The following RSPH10B2 variants were observed in gnomAD, a reference collection of about 807,000 sequenced individuals.
RSPH10B2 encodes the protein radial spoke head 10 homolog B2.
A neutral mutation model predicts 49.0 loss-of-function variants in RSPH10B2; 9 were observed. The observed-to-expected ratio is 0.18, with a 90% CI of 0.11 to 0.32. RSPH10B2 has a LOEUF of 0.32. RSPH10B2 is among the 10% of genes least tolerant of loss of function. The pLI is 1.00. For synonymous variants in RSPH10B2, 35 were observed against 210.2 expected (o/e 0.17, Z 7.21); for missense variants, 95 against 589.9 (o/e 0.16, Z 8.69).
upstream of RSPH10B2, among the ~76,000 whole-genome samples, chr7:6,755,949 A>C (rs1448032475): frequency 1.4e-5 from 2 of 142,138 alleles, no homozygotes; most frequent in Non-Finnish European, 3.0e-5. Flanking sequence ...AAAAAAAAAA[A>C]AAAAAAACAA....
rs569523172 is a variant in RSPH10B2 at position 6,784,758 on chromosome 7, C to T, written c.1759-1191C>T. On this transcript the variant is annotated intron_variant, in intron 13 of 18. Coordinates refer to ENST00000297186, the Ensembl canonical transcript of RSPH10B2. ...TTTTTTTGTATTTTTAGTAGAGATG[C>T]GGTTTGTCCATGTTGGCCAGGATGG... Among the ~76,000 whole-genome samples, 33 of 126,482 alleles carry T rather than the reference C, an allele frequency of 2.6e-4. 4 individuals carry two copies. Among genetic ancestry groups the T allele is most frequent in the African/African-American group, 9.8e-4 (30 of 30,606 alleles). 83.0% of individuals were successfully genotyped at this position (126,482 alleles called of 152,430 possible).
upstream of RSPH10B2, among the ~76,000 whole-genome samples, chr7:6,755,953 A>AAC (rs1781046704): frequency 1.4e-5 from 2 of 141,690 alleles, no homozygotes; most frequent in African/African-American, 2.9e-5. Context: ...AAAAAAAAAA[A>AAC]AAACAAACCC....
chr7:6,781,321 T>C lies in RSPH10B2; in HGVS notation c.1610-7T>C. 7.8e-7 allele frequency: 1 copy of C among 1,279,188 alleles called. No individual in the cohort carries two copies. The highest frequency in any genetic ancestry group is 2.8e-5 in the Admixed American group (1 of 36,078). 79.2% of individuals were successfully genotyped at this position (1,279,188 alleles called of 1,614,324 possible). A position where few individuals can be genotyped will look rare whatever the true frequency, so the allele number is the denominator to read the frequency against. On this transcript the variant is annotated splice_polypyrimidine_tract_variant and splice_region_variant and intron_variant, in intron 12 of 18. Transcript: ENST00000297186. ...CTGTAATCATTTTTCGAACGTTGTA[T>C]TTTTAGGCAATTTATTCCGTGAGCA...
intron 6 of RSPH10B2, among the ~76,000 whole-genome samples, chr7:6,768,141 T>C (rs1034785371): frequency 3.0e-5 from 4 of 133,558 alleles, no homozygotes; most frequent in Non-Finnish European, 6.3e-5. Context: ...GCCAAGATTG[T>C]GCCATACTCT....
chr7:6,781,356 G>C (rs775070908), exon 13 of RSPH10B2: 1 of 1,261,406 alleles, frequency 7.9e-7, no homozygotes, highest in African/African-American at 1.8e-5. Flanking sequence ...AACAGCGGAC[G>C]CTCTACTCTA....
upstream of RSPH10B2, among the ~76,000 whole-genome samples, chr7:6,755,991 C>T (rs1156557642): frequency 6.8e-6 from 1 of 147,662 alleles, no homozygotes; most frequent in African/African-American, 2.6e-5. Context: ...GCCGGGCACC[C>T]ACACCCGGTG....
rs1454600128 is a variant in RSPH10B2 at position 6,768,656 on chromosome 7, G to GAAT, written c.849_851dup (p.Glu283_Tyr284insTer). 8 of 413,574 alleles carry GAAT rather than the reference G, an allele frequency of 1.9e-5. No individual in the cohort carries two copies. In the East Asian group the frequency reaches 3.1e-4, roughly 16 times the overall value. The allele number at this position is 413,574 out of a possible 1,614,324, so 25.6% of individuals were successfully genotyped here. On this transcript the variant is annotated stop_gained and inframe_insertion, in exon 7 of 19. Coordinates refer to ENST00000297186, the Ensembl canonical transcript of RSPH10B2. LOFTEE classifies it high-confidence loss of function. ...CAGTTCCCAGTATCCTTTGAGAAAT[G>GAAT]AATACATAGGGGAGTTTGTAAATGG... is the stretch of plus-strand genomic sequence containing the variant.
At chr7:6,774,657 C>CGG (rs1262601418) in intron 9 of RSPH10B2, among the ~76,000 whole-genome samples, 2 of 138,878 alleles carry the variant, frequency 1.4e-5, no homozygotes, top group African/African-American at 5.3e-5. Context: ...GGTTCTTCCT[C>CGG]AGTCTGTGAA....
In RSPH10B2 at chr7:6,783,835, A is replaced by T. The variant is rs568578421; in HGVS notation, c.1759-2114A>T. Among the ~76,000 whole-genome samples, 63 of 138,894 alleles carry T rather than the reference A, an allele frequency of 4.5e-4. 1 individual carries two copies. Among genetic ancestry groups the T allele is most frequent in the African/African-American group, 1.3e-3 (48 of 36,986 alleles). The allele number at this position is 138,894 out of a possible 152,430, so 91.1% of individuals were successfully genotyped here. A position where few individuals can be genotyped will look rare whatever the true frequency, so the allele number is the denominator to read the frequency against. Reference sequence around the variant, plus strand: ...TTGCCCATTGAATAATAATAATAATAATAATTATTATTATTATTATTTTGA... The same window carrying T: ...TTGCCCATTGAATAATAATAATAATTATAATTATTATTATTATTATTTTGA... On this transcript the variant is annotated intron_variant, in intron 13 of 18. Transcript: ENST00000297186.
upstream of RSPH10B2, among the ~76,000 whole-genome samples, chr7:6,756,011 T>C (rs568476829): frequency 8.8e-5 from 13 of 146,986 alleles, no homozygotes; most frequent in South Asian, 2.1e-3. Flanking sequence ...GACTCACGCC[T>C]GTAATCCCAG....
At chr7:6,777,973 AC>A (rs1781811015) in intron 10 of RSPH10B2, among the ~76,000 whole-genome samples, 2 of 152,278 alleles carry the variant, frequency 1.3e-5, no homozygotes, top group South Asian at 4.1e-4. Context: ...GCACGAGGTC[AC>A]CTACAAAAGC....
At chr7:6,756,082 C>T (rs538315857), upstream of RSPH10B2, among the ~76,000 whole-genome samples, 2 of 150,636 alleles carry the variant, frequency 1.3e-5, no homozygotes, top group African/African-American at 2.5e-5. Flanking sequence ...TCCTGGCTAA[C>T]CCGGTGAAAC....
intron 16 of RSPH10B2, among the ~76,000 whole-genome samples, chr7:6,791,681 C>T (rs1453751564): frequency 7.1e-6 from 1 of 141,348 alleles, no homozygotes; most frequent in East Asian, 2.9e-4. Flanking sequence ...GAGGCGGAGG[C>T]TGCAGTGAGC....
intron 13 of RSPH10B2, among the ~76,000 whole-genome samples, chr7:6,783,820 AATAAT>A (rs1782034138): frequency 8.1e-6 from 1 of 123,602 alleles, no homozygotes; most frequent in Non-Finnish European, 1.6e-5. Flanking sequence ...TTGCCCATTG[AATAAT>A]AATAATAATA....
chr7:6,767,046 C>T (rs1781482108), intron 6 of RSPH10B2, among the ~76,000 whole-genome samples, 169 bp downstream of exon 8: 1 of 93,084 alleles, frequency 1.1e-5, no homozygotes, highest in Non-Finnish European at 2.4e-5. Flanking sequence ...CTCACTGCAG[C>T]CTCCACCTCC....
chr7:6,786,857 C>CT (rs1428033283), intron 14 of RSPH10B2, 21 bp from the exon 17 acceptor site: 6 of 749,048 alleles, frequency 8.0e-6, no homozygotes, highest in Non-Finnish European at 1.0e-5. Flanking sequence ...TGGAAACTCT[C>CT]TGTGTTTTAT....
intron 1 of RSPH10B2, among the ~76,000 whole-genome samples, chr7:6,758,357 G>A (rs1260185600): frequency 2.0e-5 from 3 of 147,852 alleles, no homozygotes; most frequent in African/African-American, 7.5e-5. Flanking sequence ...TGTTACATGG[G>A]CATGTTGTGT....
intron 13 of RSPH10B2, among the ~76,000 whole-genome samples, chr7:6,784,806 G>T (rs1185840442): frequency 8.8e-6 from 1 of 113,022 alleles, no homozygotes; most frequent in Non-Finnish European, 1.7e-5. Flanking sequence ...GACCTCGTGA[G>T]CCGCCTGCCT....
intron 17 of RSPH10B2, among the ~76,000 whole-genome samples, chr7:6,793,716 C>T (rs1384961342): frequency 5.6e-5 from 8 of 142,004 alleles, no homozygotes; most frequent in Non-Finnish European, 9.1e-5. Context: ...TGGTGGCACA[C>T]GCCTGTAGTC....
Sources: allele counts gnomAD v4.1 joint callset (sites outside exome capture counted in the v4.1 genomes callset), GRCh38; gene constraint gnomAD v4.1.1; transcripts MANE v1.5; gene names NCBI Gene and HGNC (gene_info 2026-07-23, HGNC 2026-07-21).